Variants in SMARCAD1 observed in about 807,000 individuals in gnomAD.
SMARCAD1 encodes SWI/SNF-related matrix-associated actin-dependent regulator of chromatin subfamily A containing DEAD/H box 1.
In SMARCAD1, 25 loss-of-function variants were observed where a neutral mutation model predicts 127.1. The ratio of observed to expected loss-of-function variants is 0.20; its 90% confidence interval spans 0.14 to 0.27. The LOEUF is 0.27. Among genes scored for constraint, SMARCAD1 ranks in the 10% least tolerant of loss-of-function variants. SMARCAD1 has a pLI of 1.00. For missense variants in SMARCAD1, 807 were observed against 1,206.0 expected, an observed-to-expected ratio of 0.67 and a Z score of 4.90; for synonymous variants, 400 against 396.9, an observed-to-expected ratio of 1.01 and a Z score of -0.09.
intron 10 of SMARCAD1, among the ~76,000 whole-genome samples, chr4:94,269,370 A>G (rs376560114): frequency 1.3e-5 from 2 of 152,138 alleles, no homozygotes; most frequent in East Asian, 3.8e-4. Flanking sequence ...GCCTTGTCCT[A>G]TGTTTTCACA....
intron 11 of SMARCAD1, among the ~76,000 whole-genome samples, chr4:94,271,740 A>G (rs922894414): frequency 6.6e-6 from 1 of 152,214 alleles, no homozygotes; most frequent in Admixed American, 6.5e-5. Context: ...GCACTTGGAA[A>G]TCAGACCTGG....
At chr4:94,253,381 T>C in intron 9 of SMARCAD1, 1 of 1,275,460 alleles carries the variant, frequency 7.8e-7, no homozygotes. Context: ...AAAGCAAGAA[T>C]GTGGCAGAAA....
chr4:94,237,837 A>G (rs574079660), intron 5 of SMARCAD1, among the ~76,000 whole-genome samples: 1 of 152,148 alleles, frequency 6.6e-6, no homozygotes, highest in Non-Finnish European at 1.5e-5. Flanking sequence ...ATGTCCTTAT[A>G]CATAAATAGA....
intron 6 of SMARCAD1, among the ~76,000 whole-genome samples, chr4:94,245,013 A>G (rs1479678715): frequency 2.0e-5 from 3 of 152,214 alleles, no homozygotes; most frequent in African/African-American, 4.8e-5. Context: ...TAACATTGCA[A>G]TGTCATTGTT....
intron 2 of SMARCAD1, among the ~76,000 whole-genome samples, chr4:94,224,581 A>G (rs1399028955): frequency 6.7e-6 from 1 of 148,866 alleles, no homozygotes; most frequent in Non-Finnish European, 1.5e-5. Context: ...AAGATTTCAG[A>G]TTTTAGAACA....
At chr4:94,278,074 C>T (rs370388938) in intron 16 of SMARCAD1, among the ~76,000 whole-genome samples, 17 of 152,284 alleles carry the variant, frequency 1.1e-4, no homozygotes, top group East Asian at 5.8e-4. Context: ...CTACCCCCCA[C>T]GCTCCTCCTT....
At chr4:94,265,499 G>A (rs1751604692) in intron 10 of SMARCAD1, among the ~76,000 whole-genome samples, 1 of 151,158 alleles carries the variant, frequency 6.6e-6, no homozygotes, top group Admixed American at 6.6e-5. Context: ...ATACTTGTCA[G>A]AATTCATGCA....
chr4:94,277,858 C>T (rs867675897), intron 16 of SMARCAD1, among the ~76,000 whole-genome samples: 1 of 152,236 alleles, frequency 6.6e-6, no homozygotes, highest in African/African-American at 2.4e-5. Flanking sequence ...TTTAAATGGC[C>T]TAGCAGATTT....
rs916376179 is a variant in SMARCAD1 at position 94,270,501 on chromosome 4, G to A, written c.1482-227G>A. On this transcript the variant is annotated intron_variant, in intron 10 of 23. Coordinates refer to ENST00000354268, the MANE Select transcript of SMARCAD1 (RefSeq NM_020159.5). ...CTATATTATGACCAAATATGGAAAT[G>A]CTTGATTCTTACTGCCAGAAGAAAT... The A allele has an allele frequency of 1.7e-4, 78 of 457,138 alleles. 1 individual carries two copies. The highest frequency in any genetic ancestry group is 1.0e-3 in the East Asian group (24 of 23,510). 28.3% of individuals were successfully genotyped at this position (457,138 alleles called of 1,614,324 possible). A position where few individuals can be genotyped will look rare whatever the true frequency, so the allele number is the denominator to read the frequency against.
intron 22 of SMARCAD1, among the ~76,000 whole-genome samples, chr4:94,284,578 T>G (rs745764104): frequency 0.089 from 3,328 of 37,472 alleles, 92 homozygotes; most frequent in Middle Eastern, 0.2. Context: ...TGGTTTTTGT[T>G]TTTTTTTTTT....
chr4:94,227,088 G>C (rs770844011), intron 3 of SMARCAD1, among the ~76,000 whole-genome samples: 1 of 152,266 alleles, frequency 6.6e-6, no homozygotes, highest in Non-Finnish European at 1.5e-5. Flanking sequence ...GACAGTGCTG[G>C]AGCAAAGACA....
Position 94,280,690 on chromosome 4 carries a change from C to T in SMARCAD1, c.2517C>T (p.His839=), listed in dbSNP as rs746788886. Residue 839 remains histidine (H), a synonymous_variant, in exon 20 of 24, where the codon CAC becomes CAT. Transcript: ENST00000354268. ...ELHVLCKQYR[H]INNFQLDMDL... The stretch of plus-strand genomic sequence containing the variant: ...ATGTACTTTGTAAACAGTACCGACA[C>T]ATTAATAACTTTCAGTTAGACATGG... The T allele has an allele frequency of 1.7e-5, 27 of 1,613,630 alleles. No homozygotes were observed. Among genetic ancestry groups the T allele is most frequent in the Admixed American group, 3.3e-5 (2 of 60,014 alleles).
At chr4:94,251,471 A>G (rs1389977262) in intron 8 of SMARCAD1, among the ~76,000 whole-genome samples, 1 of 152,196 alleles carries the variant, frequency 6.6e-6, no homozygotes, top group Non-Finnish European at 1.5e-5. Flanking sequence ...TTAAAAGGCT[A>G]TACTACCAAT....
chr4:94,230,253 T>C (rs1745629245), intron 3 of SMARCAD1, among the ~76,000 whole-genome samples: 1 of 152,054 alleles, frequency 6.6e-6, no homozygotes, highest in Non-Finnish European at 1.5e-5. Flanking sequence ...AACTAACCAG[T>C]TTGTTTAGTT....
At chr4:94,253,179 G>A in intron 9 of SMARCAD1, 172 bp downstream of exon 9, 1 of 1,502,956 alleles carries the variant, frequency 6.7e-7, no homozygotes, top group South Asian at 1.2e-5. Flanking sequence ...AGTGTCATAT[G>A]ACCTAATTTT....
intron 6 of SMARCAD1, among the ~76,000 whole-genome samples, chr4:94,247,457 C>T (rs1022940924): frequency 1.3e-5 from 2 of 152,272 alleles, no homozygotes; most frequent in Non-Finnish European, 1.5e-5. Flanking sequence ...ATAGGCACAC[C>T]ATCTACTAAA....
At chr4:94,288,442 G>A (rs1356832471) in intron 23 of SMARCAD1, among the ~76,000 whole-genome samples, 3 of 152,088 alleles carry the variant, frequency 2.0e-5, no homozygotes, top group African/African-American at 7.2e-5. Flanking sequence ...TTTATGAAGT[G>A]TCAATTTGGA....
chr4:94,236,619 G>A (rs898219425), intron 4 of SMARCAD1, among the ~76,000 whole-genome samples: 4 of 152,004 alleles, frequency 2.6e-5, no homozygotes, highest in Non-Finnish European at 5.9e-5. Flanking sequence ...GCACGGAGTG[G>A]CCTGGACATG....
intron 16 of SMARCAD1, among the ~76,000 whole-genome samples, 166 bp from the exon 17 acceptor site, chr4:94,278,256 A>ATGGCAGCCCAGAAT (rs1238862237): frequency 6.6e-6 from 1 of 152,270 alleles, no homozygotes; most frequent in Non-Finnish European, 1.5e-5. Flanking sequence ...CAAGAAGTAC[A>ATGGCAGCCCAGAAT]TGGCAGCCCA....
Sources: allele counts gnomAD v4.1 joint callset (sites outside exome capture counted in the v4.1 genomes callset), GRCh38; gene constraint gnomAD v4.1.1; transcripts MANE v1.5; gene names NCBI Gene and HGNC (gene_info 2026-07-23, HGNC 2026-07-21).